Variants in EXOC6B observed in about 807,000 individuals in gnomAD.
EXOC6B encodes the protein SEC15 homolog B.
In EXOC6B, 54 loss-of-function variants were observed where a neutral mutation model predicts 113.5. The observed-to-expected ratio is 0.48, with a 90% confidence interval of 0.38 to 0.60. The LOEUF is 0.60. Ranked by LOEUF, EXOC6B falls within the 20% of genes least tolerant of loss-of-function variation. The probability of loss-of-function intolerance (pLI) is 0.00; values close to 1 mark genes in which losing one functional copy is unlikely to be tolerated. For synonymous variants in EXOC6B, 357 were observed against 339.0 expected (o/e 1.05, Z -0.58); for missense variants, 797 against 977.5 (o/e 0.82, Z 2.46).
intron 20 of EXOC6B, among the ~76,000 whole-genome samples, chr2:72,224,695 TCTC>T (rs1681092509): frequency 6.6e-6 from 1 of 151,948 alleles, no homozygotes; most frequent in Admixed American, 6.6e-5. Context: ...AGTGGTGCAA[TCTC>T]CACTCACTGC....
At chr2:72,523,236 G>A (rs756248329) in intron 8 of EXOC6B, among the ~76,000 whole-genome samples, 1 of 152,150 alleles carries the variant, frequency 6.6e-6, no homozygotes, top group Non-Finnish European at 1.5e-5. Context: ...ATTCTTGGGA[G>A]AGAAAGAAAC....
At chr2:72,214,786 A>AC (rs1680413169) in intron 20 of EXOC6B, among the ~76,000 whole-genome samples, 1 of 152,214 alleles carries the variant, frequency 6.6e-6, no homozygotes, top group African/African-American at 2.4e-5. Context: ...ATGAACAGAA[A>AC]CAAAAGCTGA....
intron 8 of EXOC6B, among the ~76,000 whole-genome samples, chr2:72,553,779 CA>C (rs1703373798): frequency 1.3e-5 from 2 of 151,938 alleles, no homozygotes; most frequent in Non-Finnish European, 2.9e-5. Context: ...GCAGGAATTT[CA>C]AAATATTTTA....
At chr2:72,616,585 G>A (rs970425364) in intron 6 of EXOC6B, among the ~76,000 whole-genome samples, 1 of 152,160 alleles carries the variant, frequency 6.6e-6, no homozygotes, top group African/African-American at 2.4e-5. Flanking sequence ...GGCAAAGAGA[G>A]AGCTTGTGCA....
At chr2:72,408,508 C>G (rs1420761897) in intron 18 of EXOC6B, among the ~76,000 whole-genome samples, 2 of 152,066 alleles carry the variant, frequency 1.3e-5, no homozygotes, top group Admixed American at 1.3e-4. Flanking sequence ...GTACTGGTAC[C>G]AAAACAGAGA....
intron 6 of EXOC6B, among the ~76,000 whole-genome samples, chr2:72,671,720 A>T (rs997922310): frequency 1.3e-5 from 2 of 149,960 alleles, no homozygotes; most frequent in African/African-American, 4.9e-5. Context: ...AAAAAGAAGG[A>T]AAGAAAGGAA....
intron 20 of EXOC6B, among the ~76,000 whole-genome samples, chr2:72,223,606 A>G (rs577607175): frequency 6.6e-6 from 1 of 152,328 alleles, no homozygotes; most frequent in Admixed American, 6.5e-5. Context: ...TGGTGTTTGG[A>G]AAAAGAACAT....
At chr2:72,291,257 T>C (rs1321311436) in intron 20 of EXOC6B, among the ~76,000 whole-genome samples, 1 of 152,238 alleles carries the variant, frequency 6.6e-6, no homozygotes, top group African/African-American at 2.4e-5. Flanking sequence ...ACAAGATATC[T>C]GTCTCTTCTG....
intron 19 of EXOC6B, among the ~76,000 whole-genome samples, chr2:72,374,258 C>T (rs1163233133): frequency 2.6e-5 from 4 of 152,096 alleles, no homozygotes; most frequent in African/African-American, 4.8e-5. Context: ...GCACCATTCA[C>T]GATAGCCAAG....
intron 20 of EXOC6B, among the ~76,000 whole-genome samples, chr2:72,188,129 G>A (rs1380130841): frequency 6.6e-6 from 1 of 152,158 alleles, no homozygotes; most frequent in East Asian, 1.9e-4. Flanking sequence ...GGTGGCTGCA[G>A]TTGTGCCCAG....
chr2:72,471,544 T>C (rs941970446), intron 17 of EXOC6B, among the ~76,000 whole-genome samples: 1 of 152,208 alleles, frequency 6.6e-6, no homozygotes, highest in Non-Finnish European at 1.5e-5. Context: ...TGCCCATGCC[T>C]ATGTCCTGAA....
intron 8 of EXOC6B, among the ~76,000 whole-genome samples, chr2:72,555,348 T>A (rs1439310281): frequency 6.6e-6 from 1 of 152,228 alleles, no homozygotes; most frequent in Non-Finnish European, 1.5e-5. Context: ...TCCCCAATGG[T>A]TGAACTAATT....
In EXOC6B at chr2:72,718,166, G is replaced by A; in HGVS notation, c.606C>T (p.Leu202=). ...TGCGGATGCTCTCCAGAAAGTCTTT[G>A]AGATCGGACATAGAAACATCTTTTA... is the stretch of plus-strand genomic sequence containing the variant. ...EEIKDVSMSD[L]KDFLESIRKH... The change falls in exon 6 of 22, where the codon CTC becomes CTT. Residue 202 remains leucine, a synonymous_variant. Coordinates refer to ENST00000272427, the MANE Select transcript of EXOC6B (RefSeq NM_015189.3). 2.5e-6 allele frequency: 4 copies of A among 1,613,808 alleles called. No individual in the cohort carries two copies. The highest frequency in any genetic ancestry group is 3.4e-6 in the Non-Finnish European group (4 of 1,179,790).
intron 6 of EXOC6B, among the ~76,000 whole-genome samples, chr2:72,662,261 C>T (rs1675074606): frequency 2.0e-5 from 3 of 152,128 alleles, no homozygotes; most frequent in Middle Eastern, 3.2e-3. Context: ...TCTTCATGTC[C>T]TAGCATAAGA....
chr2:72,203,450 T>G (rs1202165818), intron 20 of EXOC6B, among the ~76,000 whole-genome samples: 2 of 152,176 alleles, frequency 1.3e-5, no homozygotes, highest in Admixed American at 1.3e-4. Flanking sequence ...CAAGGGAATT[T>G]CTATTTGCTG....
intron 18 of EXOC6B, among the ~76,000 whole-genome samples, chr2:72,435,773 A>C (rs529851351): frequency 7.2e-6 from 1 of 139,248 alleles, no homozygotes; most frequent in African/African-American, 2.8e-5. Context: ...CCATCCATTT[A>C]TTTTCAGCCT....
intron 6 of EXOC6B, among the ~76,000 whole-genome samples, chr2:72,629,212 C>G (rs1226077699): frequency 6.6e-6 from 1 of 152,138 alleles, no homozygotes; most frequent in Non-Finnish European, 1.5e-5. Flanking sequence ...ATATAACATT[C>G]CAGATGTATT....
chr2:72,314,166 A>G (rs1388021250), intron 20 of EXOC6B, among the ~76,000 whole-genome samples: 1 of 152,214 alleles, frequency 6.6e-6, no homozygotes, highest in Non-Finnish European at 1.5e-5. Context: ...ATTGTTATCC[A>G]AAATATTGTA....
At chr2:72,723,643 A>G (rs1680135269) in intron 5 of EXOC6B, among the ~76,000 whole-genome samples, 1 of 152,132 alleles carries the variant, frequency 6.6e-6, no homozygotes, top group African/African-American at 2.4e-5. Flanking sequence ...CATCATTAAC[A>G]AATACGTAAT....
Sources: allele counts gnomAD v4.1 joint callset (sites outside exome capture counted in the v4.1 genomes callset), GRCh38; gene constraint gnomAD v4.1.1; transcripts MANE v1.5; gene names NCBI Gene and HGNC (gene_info 2026-07-23, HGNC 2026-07-21).